The following FAF1 variants were observed in gnomAD, a reference collection of about 807,000 sequenced individuals.
The protein encoded by FAF1 is Fas associated factor 1.
Under a neutral mutation model 92.5 loss-of-function variants are expected in FAF1, and 25 were observed. The ratio of observed to expected loss-of-function variants is 0.27; its 90% CI spans 0.20 to 0.38. The LOEUF is 0.38. FAF1 is among the 10% of genes least tolerant of loss of function. The pLI is 1.00. For synonymous variants in FAF1, 234 were observed against 273.2 expected (o/e 0.86, Z 1.42); for missense variants, 636 against 793.3 (o/e 0.80, Z 2.38).
chr1:50,827,339 G>A (rs193176415), intron 2 of FAF1, among the ~76,000 whole-genome samples: 77 of 152,228 alleles, frequency 5.1e-4, no homozygotes, highest in African/African-American at 1.7e-3. Flanking sequence ...CCCCAACTCC[G>A]TGCCCTCTGA....
chr1:50,639,660 G>T (rs1463114960), intron 8 of FAF1, among the ~76,000 whole-genome samples: 2 of 151,856 alleles, frequency 1.3e-5, no homozygotes, highest in Non-Finnish European at 2.9e-5. Context: ...CTTTGGCTGG[G>T]CGCGGTGGCT....
intron 8 of FAF1, among the ~76,000 whole-genome samples, chr1:50,600,750 T>C (rs1652077767): frequency 5.3e-5 from 8 of 152,058 alleles, no homozygotes; most frequent in Admixed American, 5.2e-4. Context: ...GACACGAAAA[T>C]CCAGTTGTCT....
chr1:50,559,439 A>T (rs1000362207), intron 13 of FAF1, among the ~76,000 whole-genome samples: 1 of 152,162 alleles, frequency 6.6e-6, no homozygotes, highest in Non-Finnish European at 1.5e-5. Flanking sequence ...GACAATGCTG[A>T]GCAGTAATTA....
At chr1:50,737,952 G>T (rs1487866691) in intron 6 of FAF1, among the ~76,000 whole-genome samples, 1 of 152,076 alleles carries the variant, frequency 6.6e-6, no homozygotes, top group African/African-American at 2.4e-5. Flanking sequence ...GAATAATACT[G>T]TATGAAAAGA....
chr1:50,906,885 T>C (rs1422369603), intron 1 of FAF1, among the ~76,000 whole-genome samples: 1 of 152,214 alleles, frequency 6.6e-6, no homozygotes, highest in African/African-American at 2.4e-5. Flanking sequence ...TTCTCCTGCC[T>C]GGTTGCCCTG....
chr1:50,518,415 C>G (rs1174608284), intron 15 of FAF1, among the ~76,000 whole-genome samples: 3 of 150,956 alleles, frequency 2.0e-5, no homozygotes, highest in African/African-American at 7.3e-5. Context: ...GCTTCAGCTT[C>G]TATAAACACT....
intron 8 of FAF1, among the ~76,000 whole-genome samples, chr1:50,599,349 TG>T (rs1352066891): frequency 6.6e-6 from 1 of 152,134 alleles, no homozygotes; most frequent in East Asian, 1.9e-4. Context: ...TGACCTCAGG[TG>T]ATCTGCCCAC....
At chr1:50,599,319 C>T (rs925755405) in intron 8 of FAF1, among the ~76,000 whole-genome samples, 1 of 152,038 alleles carries the variant, frequency 6.6e-6, no homozygotes, top group Non-Finnish European at 1.5e-5. Flanking sequence ...AACACGTTGG[C>T]CAGGCTGGTC....
chr1:50,672,333 G>A (rs1382925977), intron 7 of FAF1, among the ~76,000 whole-genome samples: 3 of 152,098 alleles, frequency 2.0e-5, no homozygotes, highest in South Asian at 2.1e-4. Flanking sequence ...GAGCCACCGC[G>A]CCCCAGCCAG....
At chr1:50,801,737 G>C (rs561690589) in intron 2 of FAF1, 60 bp from the exon 3 acceptor site, 1 of 937,016 alleles carries the variant, frequency 1.1e-6, no homozygotes, top group Non-Finnish European at 1.7e-6. Context: ...AAGTGTGGTG[G>C]AGAACACTTT....
chr1:50,942,835 T>A (rs902510905), intron 1 of FAF1, among the ~76,000 whole-genome samples: 4 of 150,242 alleles, frequency 2.7e-5, no homozygotes, highest in African/African-American at 9.8e-5. Context: ...GGGCCATACA[T>A]CATGGATTGC....
chr1:50,748,309 A>G (rs1436511830), intron 4 of FAF1, among the ~76,000 whole-genome samples: 1 of 152,060 alleles, frequency 6.6e-6, no homozygotes, highest in African/African-American at 2.4e-5. Context: ...CAGCCTGCCC[A>G]ACATGGTGAA....
chr1:50,901,513 T>G (rs753920184), intron 1 of FAF1, among the ~76,000 whole-genome samples: 43 of 151,228 alleles, frequency 2.8e-4, no homozygotes, highest in Non-Finnish European at 5.2e-4. Context: ...CTGGGCAACA[T>G]AGCAAGACCT....
At chr1:50,769,769 G>A (rs1373928964) in intron 4 of FAF1, among the ~76,000 whole-genome samples, 1 of 152,134 alleles carries the variant, frequency 6.6e-6, no homozygotes, top group African/African-American at 2.4e-5. Context: ...ACCCTCAACA[G>A]GCTGGGTGTG....
intron 18 of FAF1, among the ~76,000 whole-genome samples, chr1:50,460,030 T>C (rs1464932545): frequency 6.6e-6 from 1 of 152,260 alleles, no homozygotes; most frequent in East Asian, 1.9e-4. Context: ...ATACTCATTT[T>C]TCCATGTATA....
At chr1:50,865,108 C>G (rs557661194) in intron 1 of FAF1, among the ~76,000 whole-genome samples, 1 of 152,192 alleles carries the variant, frequency 6.6e-6, no homozygotes, top group Non-Finnish European at 1.5e-5. Context: ...CACTGGCCAT[C>G]AGAGAAATGC....
chr1:50,750,622 CTTTTT>C (rs200229291), intron 4 of FAF1, among the ~76,000 whole-genome samples: 3 of 133,766 alleles, frequency 2.2e-5, no homozygotes, highest in Non-Finnish European at 4.9e-5. Flanking sequence ...TTTTTCTTTT[CTTTTT>C]TTTTTTTTTT....
At chr1:50,525,875 G>A (rs927782526) in intron 15 of FAF1, among the ~76,000 whole-genome samples, 2 of 151,912 alleles carry the variant, frequency 1.3e-5, no homozygotes, top group African/African-American at 4.8e-5. Flanking sequence ...TATATTTCCA[G>A]TACACTCTTT....
At chr1:50,852,975 C>T (rs1378034419) in intron 2 of FAF1, among the ~76,000 whole-genome samples, 3 of 152,134 alleles carry the variant, frequency 2.0e-5, no homozygotes, top group Non-Finnish European at 4.4e-5. Context: ...TATTCTTTCA[C>T]AGTAACTTAT....
Sources: allele counts gnomAD v4.1 joint callset (sites outside exome capture counted in the v4.1 genomes callset), GRCh38; gene constraint gnomAD v4.1.1; transcripts MANE v1.5; gene names NCBI Gene and HGNC (gene_info 2026-07-23, HGNC 2026-07-21).